MCTP1: variants seen among roughly 807,000 people sequenced by gnomAD.
The protein encoded by MCTP1 is multiple C2 and transmembrane domain-containing protein 1.
A neutral mutation model predicts 120.6 loss-of-function variants in MCTP1; 69 were observed. The ratio of observed to expected loss-of-function variants is 0.57; its 90% CI spans 0.47 to 0.70. The LOEUF is 0.70. MCTP1 is among the 30% of genes least tolerant of loss of function. MCTP1 has a pLI of 0.00. For synonymous variants in MCTP1, 529 were observed against 493.1 expected (o/e 1.07, Z -0.96); for missense variants, 1,203 against 1,248.8 (o/e 0.96, Z 0.55).
intron 2 of MCTP1, among the ~76,000 whole-genome samples, chr5:94,993,311 G>A (rs1158017435): frequency 6.6e-6 from 1 of 151,088 alleles, no homozygotes; most frequent in Non-Finnish European, 1.5e-5. Context: ...TTCACTTCAG[G>A]TCATAATTAC....
intron 9 of MCTP1, among the ~76,000 whole-genome samples, chr5:94,909,954 T>C (rs1417873227): frequency 6.6e-6 from 1 of 152,044 alleles, no homozygotes; most frequent in Non-Finnish European, 1.5e-5. Context: ...TCTCATGTTA[T>C]AGATGGATAA....
Position 94,707,546 on chromosome 5 carries a change from G to GT in MCTP1, c.2949dup (p.Pro984ThrfsTer6). ...TTATATGGGCTATGAGAAGGATCTG[G>GT]TTTCAGTTCTTGGTATTGCACCTGT... On this transcript the variant is annotated frameshift_variant, in exon 23 of 23. Coordinates refer to ENST00000515393, the MANE Select transcript of MCTP1 (RefSeq NM_024717.7). LOFTEE classifies it high-confidence loss of function. 6.2e-7 allele frequency: 1 copy of GT among 1,611,812 alleles called. No individual in the cohort carries two copies. Among genetic ancestry groups the GT allele is most frequent in the Non-Finnish European group, 8.5e-7 (1 of 1,178,468 alleles).
chr5:94,867,545 A>G, intron 17 of MCTP1: 1 of 467,322 alleles, frequency 2.1e-6, no homozygotes, highest in East Asian at 3.2e-5. Flanking sequence ...AGCATAAGGT[A>G]CTCATATTTG....
At chr5:95,245,081 G>A (rs1756605613) in intron 1 of MCTP1, among the ~76,000 whole-genome samples, 2 of 152,170 alleles carry the variant, frequency 1.3e-5, no homozygotes, top group South Asian at 4.1e-4. Context: ...ACCTACAGCT[G>A]AGGGGTCTGT....
intron 1 of MCTP1, among the ~76,000 whole-genome samples, chr5:95,143,586 T>C (rs1214128877): frequency 6.6e-6 from 1 of 152,144 alleles, no homozygotes; most frequent in African/African-American, 2.4e-5. Flanking sequence ...GTCACCAGTT[T>C]CTACCGTTTC....
At chr5:94,742,537 T>C (rs1468430128) in intron 19 of MCTP1, among the ~76,000 whole-genome samples, 2 of 152,184 alleles carry the variant, frequency 1.3e-5, no homozygotes, top group African/African-American at 4.8e-5. Flanking sequence ...CCCTGGGTCT[T>C]AGAGCTTGCC....
chr5:95,081,398 C>G (rs1207780043), intron 1 of MCTP1: 1 of 1,601,284 alleles, frequency 6.2e-7, no homozygotes, highest in Non-Finnish European at 8.5e-7. Flanking sequence ...CTACCACAAT[C>G]CAGTGAGTAA....
intron 1 of MCTP1, among the ~76,000 whole-genome samples, chr5:95,214,176 C>G (rs1752757502): frequency 6.6e-6 from 1 of 152,368 alleles, no homozygotes; most frequent in African/African-American, 2.4e-5. Context: ...AAGAAAAAAA[C>G]AAACAACCCC....
chr5:95,101,010 T>A (rs1380786836), intron 1 of MCTP1, among the ~76,000 whole-genome samples: 1 of 152,152 alleles, frequency 6.6e-6, no homozygotes, highest in Non-Finnish European at 1.5e-5. Flanking sequence ...AGTTTGAACG[T>A]TTTATGCCAG....
At chr5:95,082,499 T>C (rs1230857027) in intron 1 of MCTP1, among the ~76,000 whole-genome samples, 3 of 152,160 alleles carry the variant, frequency 2.0e-5, no homozygotes, top group Non-Finnish European at 4.4e-5. Context: ...AAAAAGCCCA[T>C]GTTAATAACA....
At chr5:94,827,132 C>T (rs1787319537) in intron 17 of MCTP1, among the ~76,000 whole-genome samples, 2 of 152,084 alleles carry the variant, frequency 1.3e-5, no homozygotes, top group African/African-American at 4.8e-5. Context: ...ATATTTAGTG[C>T]TTCCTTCAGG....
At chr5:95,162,760 G>T (rs558848275) in intron 1 of MCTP1, among the ~76,000 whole-genome samples, 1 of 152,246 alleles carries the variant, frequency 6.6e-6, no homozygotes, top group African/African-American at 2.4e-5. Context: ...GAGATTCCAT[G>T]TCACCAACAC....
At chr5:95,227,960 G>T (rs775617816) in intron 1 of MCTP1, among the ~76,000 whole-genome samples, 1 of 151,984 alleles carries the variant, frequency 6.6e-6, no homozygotes, top group African/African-American at 2.4e-5. Context: ...CAGAAGTCAG[G>T]ATCATGTTTT....
rs199988107 is a variant in MCTP1 at position 94,910,136 on chromosome 5, ATATG to A, written c.1522-759_1522-756del. Among the ~76,000 whole-genome samples, 777 of 151,796 alleles carry A rather than the reference ATATG, an allele frequency of 5.1e-3. 8 individuals are homozygous for A. Among genetic ancestry groups the A allele is most frequent in the African/African-American group, 0.018 (734 of 41,442 alleles). ...AGTATATATGTATGTATACATGTAT[ATATG>A]TATGAGTATATACATATGTATATGC... On this transcript the variant is annotated intron_variant, in intron 9 of 22. Transcript: ENST00000515393.
At position 94,888,529 on chromosome 5, in the gene MCTP1, T is replaced by C. The variant is rs557834551; in HGVS notation, c.1933+350A>G. Reference sequence around the variant, plus strand: ...ACAGATTTCATGCATGTTTGAATTATAAGTGTTGATGCTATGAGGGAAGCT... The same window carrying C: ...ACAGATTTCATGCATGTTTGAATTACAAGTGTTGATGCTATGAGGGAAGCT... On this transcript the variant is annotated intron_variant, in intron 12 of 22. Coordinates refer to ENST00000515393, the MANE Select transcript of MCTP1 (RefSeq NM_024717.7). Among the ~76,000 whole-genome samples, 118 of 152,324 alleles carry C rather than the reference T, an allele frequency of 7.7e-4. 1 individual carries two copies. The South Asian group carries it at 0.021, about 26-fold the overall frequency.
intron 19 of MCTP1, among the ~76,000 whole-genome samples, chr5:94,745,560 A>G (rs1400862217): frequency 1.3e-5 from 2 of 152,204 alleles, no homozygotes; most frequent in African/African-American, 2.4e-5. Flanking sequence ...GAGTCATTTT[A>G]CTGTTCTCCA....
intron 1 of MCTP1, among the ~76,000 whole-genome samples, chr5:95,064,934 T>A (rs1362212460): frequency 6.6e-6 from 1 of 152,216 alleles, no homozygotes; most frequent in Admixed American, 6.5e-5. Flanking sequence ...AAGAGTTCTA[T>A]TTTTTCCACC....
chr5:95,035,576 G>A (rs1227530624), intron 1 of MCTP1, among the ~76,000 whole-genome samples: 1 of 151,970 alleles, frequency 6.6e-6, no homozygotes, highest in Non-Finnish European at 1.5e-5. Context: ...AAAATATGTA[G>A]GAAGAAAGAG....
intron 17 of MCTP1, among the ~76,000 whole-genome samples, chr5:94,835,569 T>C (rs1789543974): frequency 6.6e-6 from 1 of 152,208 alleles, no homozygotes; most frequent in African/African-American, 2.4e-5. Context: ...AGCAACTCAA[T>C]AGTGGCTGAT....
Sources: gnomAD v4.1 joint callset for allele counts (sites outside exome capture counted in the v4.1 genomes callset) on GRCh38, gnomAD v4.1.1 for gene constraint, MANE v1.5 for transcripts, NCBI Gene and HGNC (gene_info 2026-07-23, HGNC 2026-07-21) for gene names.